GAL3ST2: variants seen among roughly 807,000 people sequenced by gnomAD.
GAL3ST2 encodes galactose-3-O-sulfotransferase 2.
In GAL3ST2, 16 loss-of-function variants were observed where a neutral mutation model predicts 12.9. The ratio of observed to expected loss-of-function variants is 1.24; its 90% CI spans 0.84 to 1.88. The LOEUF is 1.88. Ranked by LOEUF, GAL3ST2 falls within the 40% of genes most tolerant of loss-of-function variation. The pLI is 0.00. For synonymous variants in GAL3ST2, 302 were observed against 273.9 expected (o/e 1.10, Z -1.01); for missense variants, 639 against 571.8 (o/e 1.12, Z -1.20).
Position 241,801,563 on chromosome 2 carries a change from T to G in GAL3ST2, c.120-218T>G. The G allele has an allele frequency of 5.2e-6, 3 of 575,792 alleles. No individual in the cohort carries two copies. The highest frequency in any genetic ancestry group is 9.2e-6 in the Non-Finnish European group (3 of 326,236). 35.7% of individuals were successfully genotyped at this position (575,792 alleles called of 1,614,324 possible). On this transcript the variant is annotated intron_variant, in intron 2 of 3. Transcript: ENST00000192314. The surrounding 1 kb of genome is among the most constrained non-coding windows in gnomAD (Gnocchi z 4.4). Reference sequence around the variant, plus strand: ...GGGGGAGCATGGTTACGGGAGACAGTTGGGGGAGTTTGTGTTCGGGCCACC... The same window carrying G: ...GGGGGAGCATGGTTACGGGAGACAGGTGGGGGAGTTTGTGTTCGGGCCACC...
chr2:241,803,336 G>T lies in GAL3ST2; in HGVS notation c.376-9G>T. ...GCGGTCCGCAGCCCGCCTCTCTGTC[G>T]CCACACAGGTGCAGAAAGTCATGCC... On this transcript the variant is annotated splice_polypyrimidine_tract_variant and intron_variant, in intron 3 of 3. Transcript: ENST00000192314. 1 of 1,581,730 alleles carries T rather than the reference G, an allele frequency of 6.3e-7. No individual in the cohort carries two copies.
At chr2:241,798,929 T>G in intron 1 of GAL3ST2, 136 bp from the exon 2 acceptor site, 1 of 711,098 alleles carries the variant, frequency 1.4e-6, no homozygotes, top group Non-Finnish European at 2.5e-6. Flanking sequence ...CCAGTGGGTT[T>G]GAGGACAAGA....
In GAL3ST2 at chr2:241,804,094, G is replaced by A; in HGVS notation, c.1125G>A (p.Gln375=). ...VCQRLVMPEL[Q]YMARLYALQF... ...AGAGGCTTGTGATGCCTGAGCTCCA[G>A]TACATGGCCCGCCTGTACGCCCTGC... Residue 375 remains glutamine (Q), a synonymous_variant, in exon 4 of 4, where the codon CAG becomes CAA. Transcript: ENST00000192314. 6.5e-7 allele frequency: 1 copy of A among 1,531,050 alleles called. No individual in the cohort carries two copies. The highest frequency in any genetic ancestry group is 8.8e-7 in the Non-Finnish European group (1 of 1,138,946). The allele number at this position is 1,531,050 out of a possible 1,614,324, so 94.8% of individuals were successfully genotyped here.
Position 241,803,566 on chromosome 2 carries a change from C to G in GAL3ST2, c.597C>G (p.Phe199Leu). The G allele has an allele frequency of 6.3e-7, 1 of 1,599,382 alleles. No homozygotes were observed. The stretch of plus-strand genomic sequence containing the variant: ...ACAACATGTGGTTCGACTTCGGCTT[C>G]GACCCCAACGCGCAGTGCGAGGAGG... The part of the protein sequence containing the change: ...AKNNMWFDFG[F>L]DPNAQCEEGY... The change falls in exon 4 of 4, where the codon TTC (phenylalanine) becomes TTG (leucine). Residue 199 changes from phenylalanine (F) to leucine (L), a missense_variant. Transcript: ENST00000192314.
chr2:241,787,565 T>A (rs1165625277), intron 1 of GAL3ST2, among the ~76,000 whole-genome samples: 1 of 151,224 alleles, frequency 6.6e-6, no homozygotes, highest in Non-Finnish European at 1.5e-5. Context: ...TTTGGAGTTT[T>A]ACTTGCTTCC....
rs574506640 is a variant in GAL3ST2, at chr2:241,802,155, G to A, written c.375+119G>A. The A allele has an allele frequency of 3.1e-5, 38 of 1,209,888 alleles. No individual in the cohort carries two copies. In the South Asian group the frequency reaches 4.8e-4, roughly 15 times the overall value. The allele number at this position is 1,209,888 out of a possible 1,614,324, so 74.9% of individuals were successfully genotyped here. ...GTAAGGCTTGGGGGCGGGGCGTGCA[G>A]AAGGCGGGTTGGGAGGGCCTGGGCC... On this transcript the variant is annotated intron_variant, in intron 3 of 3. Coordinates refer to ENST00000192314, the MANE Select transcript of GAL3ST2 (RefSeq NM_022134.3). This position sits in a 1 kb window ranked among gnomAD's most constrained non-coding sequence, Gnocchi z 4.8.
At chr2:241,780,974 C>T (rs370847553) in intron 1 of GAL3ST2, among the ~76,000 whole-genome samples, 11 of 152,208 alleles carry the variant, frequency 7.2e-5, no homozygotes, top group African/African-American at 2.2e-4. Context: ...GAAAGCTCAC[C>T]GTTCCAGTCA....
intron 1 of GAL3ST2, among the ~76,000 whole-genome samples, chr2:241,783,647 GTATT>G (rs1372743949): frequency 2.0e-5 from 3 of 152,144 alleles, no homozygotes; most frequent in African/African-American, 4.8e-5. Flanking sequence ...TTGTCTGCAA[GTATT>G]TATTCTAATA....
At chr2:241,784,254 C>T (rs757077465) in intron 1 of GAL3ST2, among the ~76,000 whole-genome samples, 21 of 152,052 alleles carry the variant, frequency 1.4e-4, no homozygotes, top group Non-Finnish European at 2.8e-4. Context: ...AGGATGGTCT[C>T]GATCTCCTAA....
chr2:241,789,284 T>TTG (rs926225496), intron 1 of GAL3ST2, among the ~76,000 whole-genome samples: 5 of 152,104 alleles, frequency 3.3e-5, no homozygotes, highest in Non-Finnish European at 7.4e-5. Context: ...TATAGAATCT[T>TTG]TGTGTGTGTG....
rs1559420156 is a variant in GAL3ST2 at position 241,804,059 on chromosome 2, G to A, written c.1090G>A (p.Gly364Ser). 6.4e-7 allele frequency: 1 copy of A among 1,556,484 alleles called. No homozygotes were observed. Among genetic ancestry groups the A allele is most frequent in the Non-Finnish European group, 8.7e-7 (1 of 1,152,162 alleles). ...GCCGGGCCTGGACAACCAGACGCTG[G>A]GCGTGTGCCAGAGGCTTGTGATGCC... ...LRPGLDNQTL[G>S]VCQRLVMPEL... Residue 364 changes from glycine (G) to serine (S), a missense_variant, in exon 4 of 4, where the codon GGC becomes AGC. Transcript: ENST00000192314.
chr2:241,796,460 G>T (rs758437130), intron 1 of GAL3ST2, among the ~76,000 whole-genome samples: 37 of 152,164 alleles, frequency 2.4e-4, no homozygotes, highest in Admixed American at 4.6e-4. Flanking sequence ...CCCTGGGCCG[G>T]CCACGGAGCT....
At position 241,801,362 on chromosome 2, in the gene GAL3ST2, A is replaced by T; in HGVS notation, c.120-419A>T. ...CACATTTTCTTTACGGTCTCTATGT[A>T]ACATTCACACCCGGCAGCTGCTGGG... On this transcript the variant is annotated intron_variant, in intron 2 of 3. Transcript: ENST00000192314. This position sits in a 1 kb window ranked among gnomAD's most constrained non-coding sequence, Gnocchi z 4.4. 1 of 217,196 alleles carries T rather than the reference A, an allele frequency of 4.6e-6. No individual in the cohort carries two copies. Among genetic ancestry groups the T allele is most frequent in the Non-Finnish European group, 9.2e-6 (1 of 108,732 alleles). The allele number at this position is 217,196 out of a possible 1,614,324, so 13.5% of individuals were successfully genotyped here.
rs961932373 is a variant in GAL3ST2, at chr2:241,802,298, G to A, written c.375+262G>A. On this transcript the variant is annotated intron_variant, in intron 3 of 3. Transcript: ENST00000192314. This position sits in a 1 kb window ranked among gnomAD's most constrained non-coding sequence, Gnocchi z 4.8. Reference sequence around the variant, plus strand: ...CCAAGGGCGTCCCCAGCGCTCCCCCGCTTCTCTGGCCTCCTAGTTGTGCAC... The same window carrying A: ...CCAAGGGCGTCCCCAGCGCTCCCCCACTTCTCTGGCCTCCTAGTTGTGCAC... 5.3e-5 allele frequency among the ~76,000 whole-genome samples: 8 copies of A among 152,184 alleles called. No individual in the cohort carries two copies. The highest frequency in any genetic ancestry group is 1.0e-4 in the Non-Finnish European group (7 of 68,016).
chr2:241,790,231 A>C (rs1699678931), intron 1 of GAL3ST2, among the ~76,000 whole-genome samples: 1 of 152,166 alleles, frequency 6.6e-6, no homozygotes, highest in Non-Finnish European at 1.5e-5. Context: ...TTGTGGCATT[A>C]GAATAGAGAA....
intron 1 of GAL3ST2, among the ~76,000 whole-genome samples, chr2:241,782,044 A>G (rs978861052): frequency 7.0e-6 from 1 of 142,808 alleles, no homozygotes; most frequent in Non-Finnish European, 1.5e-5. Flanking sequence ...TTTATAAATG[A>G]TCTATAACAT....
intron 1 of GAL3ST2, among the ~76,000 whole-genome samples, chr2:241,794,152 CACCT>C (rs1699741235): frequency 2.0e-5 from 3 of 152,034 alleles, no homozygotes; most frequent in African/African-American, 7.3e-5. Flanking sequence ...CTCACTATAC[CACCT>C]AGGCTGGTCT....
chr2:241,797,898 C>G (rs571085082), intron 1 of GAL3ST2, among the ~76,000 whole-genome samples: 1 of 152,310 alleles, frequency 6.6e-6, no homozygotes, highest in Non-Finnish European at 1.5e-5. Flanking sequence ...GGAAGCTCAC[C>G]CCTTGTGTCC....
intron 1 of GAL3ST2, among the ~76,000 whole-genome samples, chr2:241,796,825 G>A (rs369164744): frequency 2.0e-4 from 31 of 152,124 alleles, no homozygotes; most frequent in Admixed American, 1.0e-3. Flanking sequence ...CTGGCCCCAC[G>A]TGGGGTCAGC....
Sources: allele counts gnomAD v4.1 joint callset (sites outside exome capture counted in the v4.1 genomes callset), GRCh38; gene constraint gnomAD v4.1.1; non-coding constraint Gnocchi (gnomAD v3.1); transcripts MANE v1.5; gene names NCBI Gene and HGNC (gene_info 2026-07-23, HGNC 2026-07-21).